KATNB1: variants seen among roughly 807,000 people sequenced by gnomAD.
KATNB1 encodes katanin regulatory subunit B1, also known as katanin p80 WD40 repeat-containing subunit B1.
KATNB1 carries 38 observed loss-of-function variants against 82.3 expected under a neutral mutation model. The ratio of observed to expected loss-of-function variants is 0.46; its 90% CI spans 0.36 to 0.61. The LOEUF is 0.61. Ranked by LOEUF, KATNB1 falls within the 20% of genes least tolerant of loss-of-function variation. The pLI is 0.00. For missense variants in KATNB1, 749 were observed against 915.7 expected, an observed-to-expected ratio of 0.82 and a Z score of 2.35; for synonymous variants, 361 against 368.7, an observed-to-expected ratio of 0.98 and a Z score of 0.24.
In KATNB1 at chr16:57,753,277, T is replaced by G. The variant is rs2049245537; in HGVS notation, c.1046+10T>G. On this transcript the variant is annotated intron_variant, in intron 11 of 19. Coordinates refer to ENST00000379661, the MANE Select transcript of KATNB1 (RefSeq NM_005886.3). ...GCAGCAAGCCTCAGAGGTGAGGGCCTGGGGGGCCTTCGGGGGCCCAGGAGA... is the reference window on the plus strand; with the variant it reads ...GCAGCAAGCCTCAGAGGTGAGGGCCGGGGGGGCCTTCGGGGGCCCAGGAGA... 2 of 1,589,578 alleles carry G rather than the reference T, an allele frequency of 1.3e-6. No individual in the cohort carries two copies. Among genetic ancestry groups the G allele is most frequent in the African/African-American group, 1.3e-5 (1 of 74,308 alleles).
rs2049244512 is a variant in KATNB1 at position 57,753,229 on chromosome 16, C to G, written c.1008C>G (p.Ile336Met). The G allele has an allele frequency of 2.5e-6, 4 of 1,606,154 alleles. No homozygotes were observed. In the East Asian group the frequency reaches 8.9e-5, roughly 36 times the overall value. ...ACCCCAGCGCCCCCCTCCGGCGCAT[C>G]TATGAGCGGCCCAGCACAACCTGCA... ...LPNPSAPLRR[I>M]YERPSTTCSK... The change falls in exon 11 of 20, where the codon ATC (isoleucine) becomes ATG (methionine). Residue 336 changes from isoleucine to methionine, a missense_variant. Around this residue, in one of 3 missense-constraint regions of KATNB1, gnomAD observed 407 missense variants for 434.7 expected, o/e 0.94. Transcript: ENST00000379661.
intron 3 of KATNB1, among the ~76,000 whole-genome samples, chr16:57,743,459 C>T (rs12445044): frequency 0.15 from 22,382 of 152,212 alleles, 1,997 homozygotes; most frequent in East Asian, 0.22. Context: ...TACTTTGTTT[C>T]TAGGATTCAA....
chr16:57,744,348 G>A (rs1473956820), intron 3 of KATNB1, 46 bp from the exon 4 acceptor site: 2 of 1,509,834 alleles, frequency 1.3e-6, no homozygotes, highest in Middle Eastern at 1.7e-4. Context: ...CGCAACTGCA[G>A]GGGTCTGTCC....
In KATNB1 at chr16:57,744,404, GC is replaced by G; in HGVS notation, c.184del (p.His62ThrfsTer59). 3 of 1,613,294 alleles carry G rather than the reference GC, an allele frequency of 1.9e-6. No homozygotes were observed. Among genetic ancestry groups the G allele is most frequent in the Non-Finnish European group, 2.5e-6 (3 of 1,179,946 alleles). ...GCTCTCTCTCCACAGAGCCTGACGG[GC>G]CACACATCCCCAGTGGAGAGCGTCC... is the stretch of plus-strand genomic sequence containing the variant. ...NKPNCIMSLT[G>X]HTSPVESVRL... On this transcript the variant is annotated frameshift_variant, in exon 4 of 20. Transcript: ENST00000379661. LOFTEE classifies it high-confidence loss of function.
At position 57,752,020 on chromosome 16, in the gene KATNB1, C is replaced by G; in HGVS notation, c.597C>G (p.Pro199=). 1 of 1,613,026 alleles carries G rather than the reference C, an allele frequency of 6.2e-7. No individual in the cohort carries two copies. Among genetic ancestry groups the G allele is most frequent in the Non-Finnish European group, 8.5e-7 (1 of 1,179,924 alleles). The change falls in exon 8 of 20, where the codon CCC becomes CCG. Residue 199 remains proline (P), a synonymous_variant. Transcript: ENST00000379661. ...TGPVNVVEFH[P]NEYLLASGSS... is the part of the protein sequence containing the mutation. Reference sequence around the variant, plus strand: ...CTGTCAACGTGGTCGAGTTTCACCCCAACGAGTACCTCCTGGCCTCCGGCA... The same window carrying G: ...CTGTCAACGTGGTCGAGTTTCACCCGAACGAGTACCTCCTGGCCTCCGGCA...
At chr16:57,744,124 C>T (rs1168737507) in intron 3 of KATNB1, among the ~76,000 whole-genome samples, 5 of 152,234 alleles carry the variant, frequency 3.3e-5, no homozygotes, top group African/African-American at 4.8e-5. Context: ...GCCATTTCTG[C>T]AGGTGACGCC....
chr16:57,747,977 C>T (rs2049195904), intron 4 of KATNB1, among the ~76,000 whole-genome samples: 1 of 152,208 alleles, frequency 6.6e-6, no homozygotes, highest in Non-Finnish European at 1.5e-5. Context: ...ACGGCCCAGA[C>T]TCCATCCTCA....
intron 18 of KATNB1, 74 bp downstream of exon 18, chr16:57,756,140 G>A: frequency 1.3e-6 from 2 of 1,518,854 alleles, no homozygotes; most frequent in Non-Finnish European, 1.8e-6. Flanking sequence ...AGAACCATGG[G>A]AAGGACCCCC....
intron 4 of KATNB1, among the ~76,000 whole-genome samples, chr16:57,747,333 A>G (rs2049190890): frequency 1.3e-5 from 2 of 152,204 alleles, no homozygotes; most frequent in Non-Finnish European, 2.9e-5. Flanking sequence ...TGAGACTTCA[A>G]GATTCTTCTG....
intron 4 of KATNB1, among the ~76,000 whole-genome samples, chr16:57,750,549 C>T (rs1480722161): frequency 1.3e-5 from 2 of 152,130 alleles, no homozygotes; most frequent in African/African-American, 4.8e-5. Context: ...TTGCTTGAAC[C>T]CGGGAGGCAG....
At position 57,751,348 on chromosome 16, in the gene KATNB1, T is replaced by C. The variant is rs371363196; in HGVS notation, c.432+46T>C. 11 of 1,581,112 alleles carry C rather than the reference T, an allele frequency of 7.0e-6. No homozygotes were observed. The African/African-American group carries it at 9.4e-5, about 14-fold the overall frequency. ...TGACTCCATGAGCACCTTGCGGGCA[T>C]TGAGTGTGGTGTGGTGCCCAGACCC... On this transcript the variant is annotated intron_variant, in intron 6 of 19. Coordinates refer to ENST00000379661, the MANE Select transcript of KATNB1 (RefSeq NM_005886.3). This position sits in a 1 kb window ranked among gnomAD's most constrained non-coding sequence, Gnocchi z 6.3.
Position 57,751,957 on chromosome 16 carries a change from C to T in KATNB1, c.534C>T (p.Ala178=), listed in dbSNP as rs144612958. The change falls in exon 8 of 20, where the codon GCC becomes GCT. Residue 178 remains alanine (A), a synonymous_variant. Coordinates refer to ENST00000379661, the MANE Select transcript of KATNB1 (RefSeq NM_005886.3). This position sits in a 1 kb window ranked among gnomAD's most constrained non-coding sequence, Gnocchi z 6.3. Reference sequence around the variant, plus strand: ...GCCTCCAGCTCTGGGATCTCACTGCCGGCAAGATGATGTCTGAGTTCCCTG... The same window carrying T: ...GCCTCCAGCTCTGGGATCTCACTGCTGGCAAGATGATGTCTGAGTTCCCTG... ...DHTVKLWDLT[A]GKMMSEFPGH... 2.7e-5 allele frequency: 43 copies of T among 1,613,552 alleles called. No homozygotes were observed. Among genetic ancestry groups the T allele is most frequent in the African/African-American group, 1.6e-4 (12 of 74,874 alleles).
In KATNB1 at chr16:57,755,202, C is replaced by T. The variant is rs1361186601; in HGVS notation, c.1380C>T (p.Asn460=). ...CTGCCATCATCCCTGCCACCCGGAA[C>T]GAGCCCATCGGGCTGAAGGCCTCCG... is the stretch of plus-strand genomic sequence containing the variant. ...AEPAIIPATR[N]EPIGLKASDF... is the part of the protein sequence containing the mutation. The change falls in exon 15 of 20, where the codon AAC becomes AAT. Residue 460 remains asparagine, a synonymous_variant. Coordinates refer to ENST00000379661, the MANE Select transcript of KATNB1 (RefSeq NM_005886.3). The T allele has an allele frequency of 3.7e-6, 6 of 1,611,840 alleles. No individual in the cohort carries two copies. Among genetic ancestry groups the T allele is most frequent in the East Asian group, 2.2e-5 (1 of 44,886 alleles).
intron 1 of KATNB1, 89 bp from the exon 2 acceptor site, chr16:57,736,889 G>C: frequency 1.9e-6 from 1 of 532,300 alleles, no homozygotes; most frequent in Non-Finnish European, 3.6e-6. Flanking sequence ...GTGGGTGTCA[G>C]TCTTTATCAA....
chr16:57,752,394 C>G, intron 8 of KATNB1, 136 bp from the exon 9 acceptor site: 1 of 817,728 alleles, frequency 1.2e-6, no homozygotes. Context: ...AAAGTCAGGG[C>G]CAGCTCTGCC....
chr16:57,739,946 A>G (rs1209546773), intron 2 of KATNB1, among the ~76,000 whole-genome samples: 5 of 152,010 alleles, frequency 3.3e-5, no homozygotes, highest in African/African-American at 1.2e-4. Flanking sequence ...GGGAGGAGTG[A>G]GGGCCAGGGG....
chr16:57,750,649 T>A (rs558857290), intron 4 of KATNB1, among the ~76,000 whole-genome samples, 178 bp from the exon 5 acceptor site: 1 of 152,218 alleles, frequency 6.6e-6, no homozygotes, highest in South Asian at 2.1e-4. Context: ...AAAAGAAAAT[T>A]CGTTGTTAGG....
chr16:57,754,677 C>A (rs1008600922), intron 13 of KATNB1, among the ~76,000 whole-genome samples: 1 of 152,172 alleles, frequency 6.6e-6, no homozygotes. Context: ...AGTGAAGGGA[C>A]AGGATGGCCA....
chr16:57,755,092 G>A (rs548065838), intron 14 of KATNB1, 27 bp from the exon 15 acceptor site: 12 of 1,612,850 alleles, frequency 7.4e-6, no homozygotes, highest in African/African-American at 6.7e-5. Context: ...GCCCCAGGCC[G>A]GCAACCGCTG....
Sources: gnomAD v4.1 joint callset for allele counts (sites outside exome capture counted in the v4.1 genomes callset) on GRCh38, gnomAD v4.1.1 for gene constraint, gnomAD v4.1.1 regional missense constraint, Gnocchi (gnomAD v3.1) non-coding constraint, MANE v1.5 for transcripts, NCBI Gene and HGNC (gene_info 2026-07-23, HGNC 2026-07-21) for gene names.